Variants in GOLM2 observed in about 807,000 individuals in gnomAD.
GOLM2 encodes the protein protein GOLM2.
In GOLM2, 26 loss-of-function variants were observed where a neutral mutation model predicts 55.9. That is an observed-to-expected ratio of 0.47 (90% CI 0.34 to 0.65). GOLM2 has a LOEUF of 0.65. GOLM2 is among the 30% of genes least tolerant of loss of function. The pLI is 0.01. For synonymous variants in GOLM2, 165 were observed against 194.6 expected (o/e 0.85, Z 1.27); for missense variants, 486 against 531.8 (o/e 0.91, Z 0.85).
chr15:44,397,494 A>C (rs1254827719), intron 8 of GOLM2, among the ~76,000 whole-genome samples: 5 of 147,960 alleles, frequency 3.4e-5, no homozygotes, highest in Middle Eastern at 3.5e-3. Flanking sequence ...AAAAAAAAAA[A>C]AAAAAAAACA....
At chr15:44,349,598 A>G (rs1267638800) in intron 6 of GOLM2, among the ~76,000 whole-genome samples, 1 of 152,218 alleles carries the variant, frequency 6.6e-6, no homozygotes, top group African/African-American at 2.4e-5. Flanking sequence ...CAGAAAATCA[A>G]CAAAGAAACA....
At chr15:44,366,072 T>C (rs1227837261) in intron 6 of GOLM2, among the ~76,000 whole-genome samples, 1 of 150,230 alleles carries the variant, frequency 6.7e-6, no homozygotes, top group African/African-American at 2.5e-5. Context: ...CCGAGGTGGG[T>C]GGATCACGAG....
intron 6 of GOLM2, among the ~76,000 whole-genome samples, chr15:44,359,847 G>A (rs956425104): frequency 2.9e-4 from 44 of 152,182 alleles, no homozygotes; most frequent in South Asian, 8.3e-4. Flanking sequence ...GACTAACAGC[G>A]GATCTCTCGG....
chr15:44,351,687 G>C (rs1269864490), intron 6 of GOLM2, among the ~76,000 whole-genome samples: 3 of 146,870 alleles, frequency 2.0e-5, no homozygotes, highest in Admixed American at 6.8e-5. Flanking sequence ...AAAACCTAAA[G>C]ACTCCACCAA....
At chr15:44,385,710 C>G (rs143499527) in intron 8 of GOLM2, among the ~76,000 whole-genome samples, 1,932 of 152,090 alleles carry the variant, frequency 0.013, 52 homozygotes, top group African/African-American at 0.045. Context: ...CCATGTCTGG[C>G]TAGTGTATGT....
chr15:44,296,280 C>T (rs1469307205), intron 1 of GOLM2, among the ~76,000 whole-genome samples: 2 of 152,130 alleles, frequency 1.3e-5, no homozygotes, highest in African/African-American at 4.8e-5. Context: ...AGCTGTGGCA[C>T]GTCAAGCTCT....
At chr15:44,341,499 A>G (rs905781148) in intron 6 of GOLM2, among the ~76,000 whole-genome samples, 8 of 152,110 alleles carry the variant, frequency 5.3e-5, no homozygotes, top group African/African-American at 9.7e-5. Context: ...TCCAGTGTTT[A>G]GGGTAAAATG....
intron 1 of GOLM2, among the ~76,000 whole-genome samples, chr15:44,318,282 G>A (rs1017598536): frequency 3.3e-5 from 5 of 152,082 alleles, no homozygotes; most frequent in Non-Finnish European, 7.4e-5. Flanking sequence ...AGGCTCACAG[G>A]CCATAGTTTG....
At chr15:44,325,610 T>C (rs1024381485) in intron 2 of GOLM2, among the ~76,000 whole-genome samples, 1 of 152,204 alleles carries the variant, frequency 6.6e-6, no homozygotes, top group Non-Finnish European at 1.5e-5. Flanking sequence ...GAAGTCTCTT[T>C]CTGGTAGTTG....
intron 1 of GOLM2, among the ~76,000 whole-genome samples, chr15:44,291,620 G>C (rs2078721209): frequency 2.0e-5 from 3 of 152,104 alleles, no homozygotes; most frequent in Non-Finnish European, 4.4e-5. Flanking sequence ...TGATCCTGTT[G>C]ATTGTCTCTA....
intron 6 of GOLM2, among the ~76,000 whole-genome samples, chr15:44,341,114 T>C (rs2079088069): frequency 7.0e-6 from 1 of 143,368 alleles, no homozygotes; most frequent in Non-Finnish European, 1.5e-5. Context: ...AGAGTCTCAC[T>C]CTGTAGCCCA....
intron 1 of GOLM2, among the ~76,000 whole-genome samples, chr15:44,309,557 CTT>C (rs150453868): frequency 1.3e-5 from 2 of 151,984 alleles, no homozygotes; most frequent in Non-Finnish European, 2.9e-5. Context: ...AAGCTAAAGA[CTT>C]TTTTTTCTTT....
At chr15:44,382,920 CAAAAAAAA>C (rs748415327) in intron 8 of GOLM2, among the ~76,000 whole-genome samples, 113 of 57,672 alleles carry the variant, frequency 2.0e-3, no homozygotes, top group Non-Finnish European at 3.3e-3. Flanking sequence ...GAGACTCTGT[CAAAAAAAA>C]AAAAAAAAAA....
chr15:44,350,020 A>G (rs2079151277), intron 6 of GOLM2, among the ~76,000 whole-genome samples: 2 of 152,326 alleles, frequency 1.3e-5, no homozygotes, highest in South Asian at 4.1e-4. Flanking sequence ...TTATAGCTAT[A>G]AGCTCCTACA....
chr15:44,388,897 G>C (rs1186548211), intron 8 of GOLM2, among the ~76,000 whole-genome samples: 1 of 151,794 alleles, frequency 6.6e-6, no homozygotes, highest in Admixed American at 6.6e-5. Flanking sequence ...CTCACTGCAA[G>C]CTCCGCCTCC....
chr15:44,354,554 T>C (rs560706578), intron 6 of GOLM2: 1 of 152,132 alleles, frequency 6.6e-6, no homozygotes, highest in Non-Finnish European at 1.5e-5. Flanking sequence ...AATCACATAA[T>C]GTCTACTCTC....
intron 6 of GOLM2, among the ~76,000 whole-genome samples, chr15:44,343,358 AT>A (rs1313011332): frequency 1.3e-5 from 2 of 149,264 alleles, no homozygotes; most frequent in African/African-American, 4.9e-5. Flanking sequence ...TGTTATTATT[AT>A]TTCATGTAAT....
chr15:44,328,912 T>G, intron 3 of GOLM2, 125 bp downstream of exon 3: 1 of 567,308 alleles, frequency 1.8e-6, no homozygotes, highest in Non-Finnish European at 2.9e-6. Context: ...TTGTTAAGCC[T>G]TTTAAATTCC....
chr15:44,326,537 C>G (rs1595627253), intron 2 of GOLM2, among the ~76,000 whole-genome samples: 1 of 151,526 alleles, frequency 6.6e-6, no homozygotes, highest in African/African-American at 2.4e-5. Context: ...CAGACACATT[C>G]ACTGATAGCA....
Sources: allele counts gnomAD v4.1 joint callset (sites outside exome capture counted in the v4.1 genomes callset), GRCh38; gene constraint gnomAD v4.1.1; transcripts MANE v1.5; gene names NCBI Gene and HGNC (gene_info 2026-07-23, HGNC 2026-07-21).